LRRC8A: variants seen among roughly 807,000 people sequenced by gnomAD.
The protein encoded by LRRC8A is leucine rich repeat containing 8 VRAC subunit A.
LRRC8A carries 24 observed loss-of-function variants against 52.5 expected under a neutral mutation model. The observed-to-expected ratio is 0.46, with a 90% CI of 0.33 to 0.64. LRRC8A has a LOEUF of 0.64. Ranked by LOEUF, LRRC8A falls within the 30% of genes least tolerant of loss-of-function variation. The probability of loss-of-function intolerance (pLI) is 0.02; values close to 1 mark genes in which losing one functional copy is unlikely to be tolerated. For missense variants in LRRC8A, 677 were observed against 1,094.7 expected (o/e 0.62, Z 5.38); for synonymous variants, 492 against 494.2 (o/e 1.00, Z 0.06).
At chr9:128,890,005 G>C (rs1273942671) in intron 2 of LRRC8A, among the ~76,000 whole-genome samples, 2 of 151,740 alleles carry the variant, frequency 1.3e-5, no homozygotes, top group African/African-American at 4.8e-5. Flanking sequence ...GTTTCACCTT[G>C]TTGGTCAGGC....
Position 128,917,814 on chromosome 9 carries a change from C to G in LRRC8A, c.*1443C>G, listed in dbSNP as rs1376957759. 2 of 152,678 alleles carry G rather than the reference C, an allele frequency of 1.3e-5. No individual in the cohort carries two copies. Among genetic ancestry groups the G allele is most frequent in the Admixed American group, 6.5e-5 (1 of 15,286 alleles). 9.5% of individuals were successfully genotyped at this position (152,678 alleles called of 1,614,324 possible). A position where few individuals can be genotyped will look rare whatever the true frequency, so the allele number is the denominator to read the frequency against. On this transcript the variant is annotated 3_prime_UTR_variant, in exon 4 of 4. Transcript: ENST00000372600. ...GGTCCCCACCTTAGAAGGGTCCCCG[C>G]CTTAGATCAATCACGTGGACACTAA... is the stretch of plus-strand genomic sequence containing the variant.
At chr9:128,883,525 A>G (rs961788234) in intron 1 of LRRC8A, among the ~76,000 whole-genome samples, 2 of 152,192 alleles carry the variant, frequency 1.3e-5, no homozygotes, top group Non-Finnish European at 2.9e-5. Flanking sequence ...TCATGAAGTG[A>G]GGCAAGGACA....
At chr9:128,915,050 T>C (rs776293088) in intron 3 of LRRC8A, among the ~76,000 whole-genome samples, 1 of 152,152 alleles carries the variant, frequency 6.6e-6, no homozygotes, top group Non-Finnish European at 1.5e-5. Flanking sequence ...ATCTGTAAAA[T>C]TGGAAGAGTA....
intron 2 of LRRC8A, among the ~76,000 whole-genome samples, chr9:128,895,737 G>A (rs1361108793): frequency 2.0e-5 from 3 of 152,274 alleles, no homozygotes; most frequent in African/African-American, 4.8e-5. Context: ...AGCAGCAGCT[G>A]GTAGGAGGAG....
At chr9:128,891,804 G>T (rs964918634) in intron 2 of LRRC8A, among the ~76,000 whole-genome samples, 1 of 152,162 alleles carries the variant, frequency 6.6e-6, no homozygotes, top group Admixed American at 6.5e-5. Context: ...TGGGTCCCAG[G>T]TGGGTCCGGG....
chr9:128,887,219 C>T (rs1283446745), intron 2 of LRRC8A, among the ~76,000 whole-genome samples: 3 of 152,026 alleles, frequency 2.0e-5, no homozygotes, highest in Non-Finnish European at 1.5e-5. Context: ...AGTGCAGTGG[C>T]ACCATCATGA....
At chr9:128,889,788 T>C (rs1180342785) in intron 2 of LRRC8A, among the ~76,000 whole-genome samples, 1 of 151,702 alleles carries the variant, frequency 6.6e-6, no homozygotes, top group African/African-American at 2.4e-5. Context: ...CCACTGCGCC[T>C]GGCCAATTTT....
intron 1 of LRRC8A, among the ~76,000 whole-genome samples, chr9:128,883,330 A>T (rs1197877929): frequency 6.6e-6 from 1 of 152,236 alleles, no homozygotes; most frequent in Non-Finnish European, 1.5e-5. Flanking sequence ...GCCAAACTGT[A>T]TTCTGCCCTT....
rs1207695904 is a variant in LRRC8A at position 128,892,763 on chromosome 9, G to C, written c.-9+6642G>C. 6.6e-6 allele frequency among the ~76,000 whole-genome samples: 1 copy of C among 152,188 alleles called. No individual in the cohort carries two copies. Among genetic ancestry groups the C allele is most frequent in the Non-Finnish European group, 1.5e-5 (1 of 68,040 alleles). On this transcript the variant is annotated intron_variant, in intron 2 of 3. Coordinates refer to ENST00000372600, the MANE Select transcript of LRRC8A (RefSeq NM_019594.4). This position sits in a 1 kb window ranked among gnomAD's most constrained non-coding sequence, Gnocchi z 5.2. ...AGATCCACAGGCTTGGAACCCTCCC[G>C]GGACAGGGCCTGTTGAGAGCGGCCC...
At chr9:128,896,151 C>T (rs1564521893) in intron 2 of LRRC8A, among the ~76,000 whole-genome samples, 1 of 152,208 alleles carries the variant, frequency 6.6e-6, no homozygotes, top group Non-Finnish European at 1.5e-5. Context: ...CTTGGGTATA[C>T]ACCTTGTAGA....
Position 128,907,154 on chromosome 9 carries a change from T to C in LRRC8A, c.-8-3T>C, listed in dbSNP as rs1254772440. ...TAACCCCCCTCCTATGGCTCCCTTTTAGGTTGAACCATGATTCCGGTGACA... is the reference window on the plus strand; with the variant it reads ...TAACCCCCCTCCTATGGCTCCCTTTCAGGTTGAACCATGATTCCGGTGACA... On this transcript the variant is annotated splice_region_variant and splice_polypyrimidine_tract_variant and intron_variant, in intron 2 of 3. Coordinates refer to ENST00000372600, the MANE Select transcript of LRRC8A (RefSeq NM_019594.4). This position sits in a 1 kb window ranked among gnomAD's most constrained non-coding sequence, Gnocchi z 9.3. 3 of 1,601,274 alleles carry C rather than the reference T, an allele frequency of 1.9e-6. No homozygotes were observed. In the East Asian group the frequency reaches 6.7e-5, roughly 36 times the overall value.
At chr9:128,887,845 A>G (rs1225596015) in intron 2 of LRRC8A, among the ~76,000 whole-genome samples, 1 of 151,378 alleles carries the variant, frequency 6.6e-6, no homozygotes, top group African/African-American at 2.4e-5. Flanking sequence ...GGGTTTCACC[A>G]TGTTAGCCAG....
At position 128,911,573 on chromosome 9, in the gene LRRC8A, G is replaced by A. The variant is rs567780373; in HGVS notation, c.2157+2252G>A. Among the ~76,000 whole-genome samples, 6 of 152,164 alleles carry A rather than the reference G, an allele frequency of 3.9e-5. No individual in the cohort carries two copies. Among genetic ancestry groups the A allele is most frequent in the East Asian group, 3.9e-4 (2 of 5,162 alleles). On this transcript the variant is annotated intron_variant, in intron 3 of 3. Coordinates refer to ENST00000372600, the MANE Select transcript of LRRC8A (RefSeq NM_019594.4). This position sits in a 1 kb window ranked among gnomAD's most constrained non-coding sequence, Gnocchi z 4.9. Reference sequence around the variant, plus strand: ...GCTCCTGCCATTCCTGCCCTGTCCCGGGTGCTGTGCTGGGGCTGTCCTCCT... The same window carrying A: ...GCTCCTGCCATTCCTGCCCTGTCCCAGGTGCTGTGCTGGGGCTGTCCTCCT...
intron 2 of LRRC8A, among the ~76,000 whole-genome samples, chr9:128,889,801 T>A (rs568540550): frequency 1.6e-4 from 24 of 151,620 alleles, no homozygotes; most frequent in African/African-American, 2.7e-4. Context: ...CCAATTTTTT[T>A]AATTTAATTT....
Position 128,899,184 on chromosome 9 carries a change from A to G in LRRC8A, c.-8-7973A>G, listed in dbSNP as rs1201912640. Among the ~76,000 whole-genome samples the G allele has an allele frequency of 3.3e-5, 5 of 152,168 alleles. No individual in the cohort carries two copies. Among genetic ancestry groups the G allele is most frequent in the Admixed American group, 6.5e-5 (1 of 15,276 alleles). On this transcript the variant is annotated intron_variant, in intron 2 of 3. Coordinates refer to ENST00000372600, the MANE Select transcript of LRRC8A (RefSeq NM_019594.4). This position sits in a 1 kb window ranked among gnomAD's most constrained non-coding sequence, Gnocchi z 4.0. ...ACAGGTTTGCTGCTCCTTTCTATAC[A>G]GGGAAACTGAGGCCCTGGGAGAGAA...
rs1412899153 is a variant in LRRC8A at position 128,908,027 on chromosome 9, A to C, written c.863A>C (p.Asn288Thr). ...IICYTVYYVHNIKFDVDCTVD... is the reference protein window; with the variant it reads ...IICYTVYYVHTIKFDVDCTVD... ...TGCTACACCGTCTACTACGTGCACA[A>C]CATCAAGTTCGACGTGGACTGCACC... Residue 288 changes from asparagine (N) to threonine (T), a missense_variant, in exon 3 of 4, where the codon AAC becomes ACC. Transcript: ENST00000372600. The C allele has an allele frequency of 6.2e-7, 1 of 1,613,972 alleles. No homozygotes were observed. The highest frequency in any genetic ancestry group is 8.5e-7 in the Non-Finnish European group (1 of 1,180,034).
intron 1 of LRRC8A, among the ~76,000 whole-genome samples, chr9:128,885,556 G>A (rs997141911): frequency 7.2e-5 from 11 of 152,112 alleles, no homozygotes; most frequent in Admixed American, 2.6e-4. Flanking sequence ...TCAGACCGTC[G>A]CTACTGACTT....
At chr9:128,888,882 T>C (rs150094366) in intron 2 of LRRC8A, among the ~76,000 whole-genome samples, 91 of 152,172 alleles carry the variant, frequency 6.0e-4, no homozygotes, top group African/African-American at 1.8e-3. Flanking sequence ...CCACAGATGG[T>C]GCTCAGCGTC....
At chr9:128,895,698 G>A (rs1171482622) in intron 2 of LRRC8A, among the ~76,000 whole-genome samples, 2 of 152,140 alleles carry the variant, frequency 1.3e-5, no homozygotes, top group African/African-American at 2.4e-5. Flanking sequence ...GAGTGCTTAC[G>A]AGTTCTGCAG....
Sources: gnomAD v4.1 joint callset for allele counts (sites outside exome capture counted in the v4.1 genomes callset) on GRCh38, gnomAD v4.1.1 for gene constraint, Gnocchi (gnomAD v3.1) non-coding constraint, MANE v1.5 for transcripts, NCBI Gene and HGNC (gene_info 2026-07-23, HGNC 2026-07-21) for gene names.